WDFY4: variants seen among roughly 807,000 people sequenced by gnomAD.
The protein encoded by WDFY4 is WDFY family member 4, also known as WD repeat- and FYVE domain-containing protein 4.
Under a neutral mutation model 351.9 loss-of-function variants are expected in WDFY4, and 169 were observed. The ratio of observed to expected loss-of-function variants is 0.48; its 90% CI spans 0.42 to 0.55. The LOEUF (loss-of-function observed/expected upper bound fraction) is 0.55. WDFY4 is among the 20% of genes least tolerant of loss of function. The pLI is 0.00. For synonymous variants in WDFY4, 1,622 were observed against 1,574.6 expected, an observed-to-expected ratio of 1.03 and a Z score of -0.71; for missense variants, 3,803 against 3,935.6, an observed-to-expected ratio of 0.97 and a Z score of 0.90.
intron 20 of WDFY4, 85 bp downstream of exon 20, chr10:48,786,955 A>G (rs772123671): frequency 3.3e-5 from 41 of 1,249,176 alleles, no homozygotes; most frequent in Non-Finnish European, 4.3e-5. Context: ...TTTGCAGAGA[A>G]TAAGCTCAGC....
At chr10:48,959,589 TG>T in intron 52 of WDFY4, 132 bp from the exon 53 acceptor site, 1 of 777,296 alleles carries the variant, frequency 1.3e-6, no homozygotes, top group Non-Finnish European at 2.1e-6. Flanking sequence ...GAAAGCAGCA[TG>T]GTCTGCAGAG....
chr10:48,947,095 C>T lies in WDFY4; in HGVS notation c.7977+126C>T, dbSNP rs147652502. 393 of 745,474 alleles carry T rather than the reference C, an allele frequency of 5.3e-4. 4 individuals carry two copies. In the East Asian group the frequency reaches 8.7e-3, roughly 17 times the overall value. The allele number at this position is 745,474 out of a possible 1,614,324, so 46.2% of individuals were successfully genotyped here. A position where few individuals can be genotyped will look rare whatever the true frequency, so the allele number is the denominator to read the frequency against. On this transcript the variant is annotated intron_variant, in intron 51 of 61. Transcript: ENST00000325239. ...CCTCTGCTAAAAACTCAGTCATTAG[C>T]CAGTGATTCCCAGTTGACATTGGCT...
Position 48,943,443 on chromosome 10 carries a change from C to G in WDFY4, c.7743C>G (p.Thr2581=). 6.4e-7 allele frequency: 1 copy of G among 1,551,790 alleles called. No individual in the cohort carries two copies. Among genetic ancestry groups the G allele is most frequent in the Non-Finnish European group, 8.7e-7 (1 of 1,146,952 alleles). The part of the protein sequence containing the change: ...PVFPWVLADY[T]SETLNLANPK... The stretch of plus-strand genomic sequence containing the variant: ...TCCCCTGGGTCCTCGCAGACTACAC[C>G]TCAGAGGTAAGTTCCTCACGTGGAA... Residue 2581 remains threonine, a synonymous_variant, in exon 49 of 62, where the codon ACC becomes ACG. Transcript: ENST00000325239.
intron 47 of WDFY4, among the ~76,000 whole-genome samples, chr10:48,935,901 G>A (rs1840328697): frequency 3.2e-5 from 1 of 31,614 alleles, no homozygotes; most frequent in South Asian, 3.0e-3. Flanking sequence ...TGCATCTATG[G>A]TCTTTTTTTT....
At chr10:48,722,698 GCACA>G (rs567236309) in intron 4 of WDFY4, among the ~76,000 whole-genome samples, 1 of 151,946 alleles carries the variant, frequency 6.6e-6, no homozygotes, top group South Asian at 2.1e-4. Context: ...CATGCATCAT[GCACA>G]CACACACACG....
At chr10:48,779,836 T>A (rs752387362) in intron 18 of WDFY4, 105 bp from the exon 19 acceptor site, 113 of 1,250,080 alleles carry the variant, frequency 9.0e-5, no homozygotes, top group Non-Finnish European at 1.2e-4. Context: ...TAGGGCTCCA[T>A]GGTACAAGGC....
chr10:48,691,375 C>T (rs2063190905), intron 1 of WDFY4, among the ~76,000 whole-genome samples: 1 of 152,164 alleles, frequency 6.6e-6, no homozygotes, highest in African/African-American at 2.4e-5. Context: ...GCACCACTCC[C>T]ACTTTCCACC....
chr10:48,796,433 A>C lies in WDFY4; in HGVS notation c.4393A>C (p.Ile1465Leu). Residue 1465 changes from isoleucine to leucine, a missense_variant, in exon 24 of 62, where the codon ATC becomes CTC. Physicochemically the swap from Ile to Leu is conservative, Grantham distance 5. This residue lies in a region of WDFY4 where 3,054 missense variants were observed against 3,148.6 expected (regional missense o/e 0.97). Transcript: ENST00000325239. ...AITNTGVFQH[I>L]LCNFELWMNT... ...CACCAACACTGGTGTCTTCCAGCACATCCTCTGCAATTTCGAGGTAAATCA... is the reference window on the plus strand; with the variant it reads ...CACCAACACTGGTGTCTTCCAGCACCTCCTCTGCAATTTCGAGGTAAATCA... The C allele has an allele frequency of 1.3e-6, 2 of 1,551,506 alleles. No individual in the cohort carries two copies. The highest frequency in any genetic ancestry group is 1.7e-6 in the Non-Finnish European group (2 of 1,147,012).
rs915036288 is a variant in WDFY4, at chr10:48,970,341, G to T, written c.8928+52G>T. On this transcript the variant is annotated intron_variant, in intron 57 of 61. Coordinates refer to ENST00000325239, the MANE Select transcript of WDFY4 (RefSeq NM_001394531.1). The stretch of plus-strand genomic sequence containing the variant: ...TCCTCAGGTGGGGACAGTACTTCAT[G>T]TAGGGACAAAACCTCTGCCTGGCAT... The T allele has an allele frequency of 8.5e-6, 13 of 1,532,456 alleles. No individual in the cohort carries two copies. The African/African-American group carries it at 9.6e-5, about 11-fold the overall frequency. 94.9% of individuals were successfully genotyped at this position (1,532,456 alleles called of 1,614,324 possible).
At chr10:48,883,389 G>T (rs2070331327) in intron 43 of WDFY4, among the ~76,000 whole-genome samples, 1 of 150,584 alleles carries the variant, frequency 6.6e-6, no homozygotes, top group Non-Finnish European at 1.5e-5. Context: ...TTGTGCAAGG[G>T]GTGTGTGTGT....
At chr10:48,876,982 C>T (rs1206840991) in intron 42 of WDFY4, 51 bp from the exon 43 acceptor site, 1 of 1,433,610 alleles carries the variant, frequency 7.0e-7, no homozygotes, top group African/African-American at 1.5e-5. Flanking sequence ...CCGGCCCTTA[C>T]CATGTCAGGT....
intron 17 of WDFY4, 108 bp from the exon 18 acceptor site, chr10:48,778,503 C>A: frequency 1.8e-6 from 2 of 1,102,956 alleles, no homozygotes; most frequent in Non-Finnish European, 2.6e-6. Flanking sequence ...TTAGGCAAGA[C>A]ACCCAGTAGG....
At chr10:48,775,834 G>T in intron 15 of WDFY4, 28 bp downstream of exon 15, 1 of 1,532,406 alleles carries the variant, frequency 6.5e-7, no homozygotes, top group Non-Finnish European at 8.9e-7. Flanking sequence ...AACGGGGCAG[G>T]TTAATGGGAA....
At chr10:48,789,130 C>G (rs1189531627) in intron 21 of WDFY4, among the ~76,000 whole-genome samples, 2 of 152,130 alleles carry the variant, frequency 1.3e-5, no homozygotes, top group Non-Finnish European at 2.9e-5. Flanking sequence ...GCTTCAGCCT[C>G]CTGAGTAGTT....
rs1285370150 is a variant in WDFY4, at chr10:48,742,896, C to T, written c.1879-72C>T. 4 of 1,391,620 alleles carry T rather than the reference C, an allele frequency of 2.9e-6. No homozygotes were observed. The East Asian group carries it at 7.6e-5, about 26-fold the overall frequency. The allele number at this position is 1,391,620 out of a possible 1,614,324, so 86.2% of individuals were successfully genotyped here. ...GGGAAGAGCTAGTGGGACGCTCTGG[C>T]AGGAATGTGTGTGGGCTCAGGGTTA... On this transcript the variant is annotated intron_variant, in intron 11 of 61. Coordinates refer to ENST00000325239, the MANE Select transcript of WDFY4 (RefSeq NM_001394531.1).
intron 2 of WDFY4, among the ~76,000 whole-genome samples, chr10:48,713,907 A>C (rs944822854): frequency 1.3e-5 from 2 of 152,210 alleles, no homozygotes; most frequent in Non-Finnish European, 2.9e-5. Flanking sequence ...CCTAGGTTCC[A>C]ATACTAGCAA....
rs1044445817 is a variant in WDFY4, at chr10:48,688,078, C to T, written c.-18+3077C>T. 1.1e-4 allele frequency among the ~76,000 whole-genome samples: 17 copies of T among 152,212 alleles called. No individual in the cohort carries two copies. In the South Asian group the frequency reaches 1.2e-3, roughly 11 times the overall value. ...GATTACAGGCATGAGCCACCACACCCGGCCTAATAGGCCATTCTTTAGTCA... is the reference window on the plus strand; with the variant it reads ...GATTACAGGCATGAGCCACCACACCTGGCCTAATAGGCCATTCTTTAGTCA... On this transcript the variant is annotated intron_variant, in intron 1 of 61. Transcript: ENST00000325239.
chr10:48,741,087 T>C (rs2064835353), intron 11 of WDFY4, among the ~76,000 whole-genome samples: 1 of 152,126 alleles, frequency 6.6e-6, no homozygotes, highest in Admixed American at 6.6e-5. Context: ...TGGAAGCCCT[T>C]TATGCATATC....
intron 46 of WDFY4, 72 bp from the exon 47 acceptor site, chr10:48,901,729 C>G: frequency 6.7e-7 from 1 of 1,492,212 alleles, no homozygotes; most frequent in Non-Finnish European, 9.1e-7. Flanking sequence ...TGCCTGACTC[C>G]GGAAATGCCT....
Sources: allele counts gnomAD v4.1 joint callset (sites outside exome capture counted in the v4.1 genomes callset), GRCh38; gene constraint gnomAD v4.1.1; regional missense constraint gnomAD v4.1.1; transcripts MANE v1.5; gene names NCBI Gene and HGNC (gene_info 2026-07-23, HGNC 2026-07-21).